STPG2: variants seen among roughly 807,000 people sequenced by gnomAD.
STPG2 encodes sperm-tail PG-rich repeat-containing protein 2.
STPG2 carries 56 observed loss-of-function variants against 54.2 expected under a neutral mutation model. The ratio of observed to expected loss-of-function variants is 1.03; its 90% CI spans 0.83 to 1.29. The LOEUF (loss-of-function observed/expected upper bound fraction) is 1.29, where lower values mean the gene tolerates loss of function less well. STPG2 is among the 50% of genes most tolerant of loss of function. STPG2 has a pLI of 0.00. For missense variants in STPG2, 596 were observed against 544.9 expected, an observed-to-expected ratio of 1.09 and a Z score of -0.93; for synonymous variants, 200 against 181.8, an observed-to-expected ratio of 1.10 and a Z score of -0.81.
rs907855443 is a variant in STPG2, at chr4:97,615,322, C to T, written c.1321-56205G>A. On this transcript the variant is annotated intron_variant, in intron 10 of 10. Transcript: ENST00000295268. ...CCATGCATAGTTTTTTCAAAATACA[C>T]ATTTTTCATGAACTTTTTGAAAACC... is the stretch of plus-strand genomic sequence containing the variant. Among the ~76,000 whole-genome samples the T allele has an allele frequency of 4.6e-5, 7 of 152,134 alleles. 1 individual carries two copies. In the Middle Eastern group the frequency reaches 0.01, roughly 222 times the overall value.
chr4:97,724,155 G>C (rs1724547060), intron 9 of STPG2, among the ~76,000 whole-genome samples: 1 of 151,974 alleles, frequency 6.6e-6, no homozygotes. Flanking sequence ...TATTAATATA[G>C]ATTTGCAGTG....
At chr4:97,552,107 G>GA (rs146903242) in intron 4 of STPG2, among the ~76,000 whole-genome samples, 8 of 151,624 alleles carry the variant, frequency 5.3e-5, no homozygotes, top group South Asian at 2.1e-4. Flanking sequence ...TACATAAATA[G>GA]AAAAAAAACA....
In STPG2 at chr4:97,576,678, C is replaced by T. The variant is rs144071547; in HGVS notation, c.1321-17561G>A. The stretch of plus-strand genomic sequence containing the variant: ...AACTTAGAAAATACCCTTCTGGACA[C>T]TGGCTTTGACAAAGAATTTATCATT... On this transcript the variant is annotated intron_variant, in intron 10 of 10. Transcript: ENST00000295268. Among the ~76,000 whole-genome samples, 1,070 of 152,200 alleles carry T rather than the reference C, an allele frequency of 7.0e-3. 8 individuals are homozygous for T. Among genetic ancestry groups the T allele is most frequent in the African/African-American group, 0.025 (1,023 of 41,536 alleles).
chr4:97,788,875 A>T (rs923799663), intron 9 of STPG2, among the ~76,000 whole-genome samples: 3 of 152,172 alleles, frequency 2.0e-5, no homozygotes, highest in Middle Eastern at 3.4e-3. Flanking sequence ...TATCCTTTGT[A>T]TCTTTTTAGT....
At chr4:97,649,314 A>G (rs1040573270) in intron 10 of STPG2, among the ~76,000 whole-genome samples, 4 of 152,130 alleles carry the variant, frequency 2.6e-5, no homozygotes, top group Admixed American at 2.6e-4. Flanking sequence ...AATAATATTA[A>G]CATTTAATGG....
At chr4:98,128,789 G>A (rs1353643058) in intron 2 of STPG2, among the ~76,000 whole-genome samples, 197 bp from the exon 3 acceptor site, 1 of 152,024 alleles carries the variant, frequency 6.6e-6, no homozygotes, top group African/African-American at 2.4e-5. Flanking sequence ...GAGTGCAGTG[G>A]TACAATCTTG....
chr4:97,694,567 G>C (rs1181801520), intron 10 of STPG2, among the ~76,000 whole-genome samples: 1 of 151,952 alleles, frequency 6.6e-6, no homozygotes, highest in Non-Finnish European at 1.5e-5. Flanking sequence ...CCAGCACTTT[G>C]GGAGGCCGAG....
chr4:97,909,018 T>TAAA (rs1051609346), intron 8 of STPG2, among the ~76,000 whole-genome samples: 2 of 146,820 alleles, frequency 1.4e-5, no homozygotes, highest in African/African-American at 5.0e-5. Context: ...AGTATAATAA[T>TAAA]AATAATAATA....
intron 10 of STPG2, among the ~76,000 whole-genome samples, chr4:97,565,605 G>T (rs529488592): frequency 3.6e-4 from 55 of 152,238 alleles, no homozygotes; most frequent in African/African-American, 1.3e-3. Flanking sequence ...GTACAGATGG[G>T]TTTTTGGTGT....
At chr4:97,707,698 A>G (rs1242379143) in intron 10 of STPG2, among the ~76,000 whole-genome samples, 1 of 152,164 alleles carries the variant, frequency 6.6e-6, no homozygotes. Flanking sequence ...TAATTGGATG[A>G]ATAATAAAGA....
intron 9 of STPG2, among the ~76,000 whole-genome samples, chr4:97,749,773 C>T (rs1371282106): frequency 6.6e-6 from 1 of 151,734 alleles, no homozygotes; most frequent in Non-Finnish European, 1.5e-5. Context: ...TCTATCTGAT[C>T]ATTCTATTTT....
rs113009387 is a variant in STPG2 at position 97,503,242 on chromosome 4, A to T, written c.462+209457T>A. On this transcript the variant is annotated intron_variant, in intron 4 of 4. Coordinates refer to the STPG2 transcript ENST00000522676. ...CTAGTTATTCAAACATTGGTAGCTTAAAGTCAGCCATTGTGGAAGTATTTA... is the reference window on the plus strand; with the variant it reads ...CTAGTTATTCAAACATTGGTAGCTTTAAGTCAGCCATTGTGGAAGTATTTA... Among the ~76,000 whole-genome samples, 736 of 152,102 alleles carry T rather than the reference A, an allele frequency of 4.8e-3. 4 individuals are homozygous for T. The highest frequency in any genetic ancestry group is 0.02 in the Middle Eastern group (6 of 294).
Position 97,936,946 on chromosome 4 carries a change from C to A in STPG2, c.1044+6951G>T, listed in dbSNP as rs574137959. The stretch of plus-strand genomic sequence containing the variant: ...CCTGTCTTGCTAAGTTGGGGAATTT[C>A]TCCTGGATGATATCCTGAACTGTGT... On this transcript the variant is annotated intron_variant, in intron 8 of 10. Coordinates refer to ENST00000295268, the MANE Select transcript of STPG2 (RefSeq NM_174952.3). Among the ~76,000 whole-genome samples the A allele has an allele frequency of 8.5e-5, 13 of 152,256 alleles. No individual in the cohort carries two copies. The South Asian group carries it at 1.7e-3, about 19-fold the overall frequency.
At chr4:97,608,877 C>T (rs543494203) in intron 10 of STPG2, among the ~76,000 whole-genome samples, 5 of 152,026 alleles carry the variant, frequency 3.3e-5, no homozygotes, top group African/African-American at 1.2e-4. Flanking sequence ...GCATGTCGCT[C>T]TCATGAATTT....
chr4:97,686,606 C>T (rs1231710422), intron 10 of STPG2, among the ~76,000 whole-genome samples: 1 of 152,014 alleles, frequency 6.6e-6, no homozygotes, highest in African/African-American at 2.4e-5. Flanking sequence ...AATGAGTATT[C>T]GTTCACATAC....
chr4:97,927,629 A>G (rs1201704246), intron 8 of STPG2, among the ~76,000 whole-genome samples: 1 of 152,138 alleles, frequency 6.6e-6, no homozygotes, highest in Non-Finnish European at 1.5e-5. Context: ...AAAGTTTATA[A>G]TACTATCATA....
At chr4:97,885,403 C>A (rs768910600) in intron 8 of STPG2, among the ~76,000 whole-genome samples, 1 of 152,096 alleles carries the variant, frequency 6.6e-6, no homozygotes, top group Non-Finnish European at 1.5e-5. Flanking sequence ...CTAAATATCA[C>A]GTGTTACCAT....
Position 97,774,143 on chromosome 4 carries a change from G to C in STPG2, c.1205-61329C>G, listed in dbSNP as rs574541679. On this transcript the variant is annotated intron_variant, in intron 9 of 10. Transcript: ENST00000295268. ...TTAAAGATAAGCTTTTGCTTATTAAGCACTTTGTAGCAGTCCTCAAGATTT... is the reference window on the plus strand; with the variant it reads ...TTAAAGATAAGCTTTTGCTTATTAACCACTTTGTAGCAGTCCTCAAGATTT... 8.5e-5 allele frequency among the ~76,000 whole-genome samples: 13 copies of C among 152,156 alleles called. No individual in the cohort carries two copies. In the South Asian group the frequency reaches 2.7e-3, roughly 32 times the overall value.
intron 4 of STPG2, among the ~76,000 whole-genome samples, chr4:97,535,463 T>C (rs1389633256): frequency 6.6e-6 from 1 of 152,232 alleles, no homozygotes; most frequent in Non-Finnish European, 1.5e-5. Context: ...TCTGAACTTT[T>C]ATTTGTCTTC....
Sources: allele counts gnomAD v4.1 joint callset (sites outside exome capture counted in the v4.1 genomes callset), GRCh38; gene constraint gnomAD v4.1.1; transcripts MANE v1.5; gene names NCBI Gene and HGNC (gene_info 2026-07-23, HGNC 2026-07-21).